DIP2C: variants seen among roughly 807,000 people sequenced by gnomAD.
The protein encoded by DIP2C is DIP2 acetate--CoA ligase C (putative), also known as disco-interacting protein 2 homolog C.
Under a neutral mutation model 192.4 loss-of-function variants are expected in DIP2C, and 33 were observed. The ratio of observed to expected loss-of-function variants is 0.17; its 90% confidence interval spans 0.13 to 0.23. The LOEUF (loss-of-function observed/expected upper bound fraction) is 0.23, where lower values mean the gene tolerates loss of function less well. Ranked by LOEUF, DIP2C falls within the 10% of genes least tolerant of loss-of-function variation. The pLI, the probability that DIP2C is intolerant of heterozygous loss-of-function variation, is 1.00. For synonymous variants in DIP2C, 979 were observed against 864.1 expected, an observed-to-expected ratio of 1.13 and a Z score of -2.33; for missense variants, 1,537 against 2,110.1, an observed-to-expected ratio of 0.73 and a Z score of 5.32.
intron 4 of DIP2C, among the ~76,000 whole-genome samples, chr10:426,792 G>A (rs113711340): frequency 0.013 from 1,973 of 152,022 alleles, 50 homozygotes; most frequent in African/African-American, 0.045. Context: ...TGGCAACTGG[G>A]TACCCAACAC....
At chr10:529,989 C>G (rs571132504) in intron 1 of DIP2C, among the ~76,000 whole-genome samples, 1 of 152,220 alleles carries the variant, frequency 6.6e-6, no homozygotes, top group African/African-American at 2.4e-5. Flanking sequence ...ATCAGGCCAT[C>G]TGCCTGGACG....
At chr10:557,244 A>C (rs1213126289) in intron 1 of DIP2C, among the ~76,000 whole-genome samples, 5 of 152,226 alleles carry the variant, frequency 3.3e-5, no homozygotes, top group Non-Finnish European at 5.9e-5. Context: ...TCAGCACAGC[A>C]TCCTGGAGCA....
At chr10:366,551 C>T in intron 18 of DIP2C, 140 bp from the exon 19 acceptor site, 1 of 1,180,096 alleles carries the variant, frequency 8.5e-7, no homozygotes, top group Non-Finnish European at 1.2e-6. Context: ...GGTAGTCAGC[C>T]AGGCACTCAT....
At chr10:334,819 T>C (rs1957679085) in intron 29 of DIP2C, among the ~76,000 whole-genome samples, 1 of 152,380 alleles carries the variant, frequency 6.6e-6, no homozygotes, top group East Asian at 1.9e-4. Flanking sequence ...TACATTGTTC[T>C]GGTTATTGCA....
chr10:670,484 A>C (rs1830580390), intron 1 of DIP2C, among the ~76,000 whole-genome samples: 1 of 152,222 alleles, frequency 6.6e-6, no homozygotes, highest in Admixed American at 6.5e-5. Context: ...ACAAGTGAGA[A>C]TTGAGATGGA....
chr10:459,129 A>G (rs1564738053), intron 3 of DIP2C, among the ~76,000 whole-genome samples: 1 of 152,166 alleles, frequency 6.6e-6, no homozygotes, highest in Non-Finnish European at 1.5e-5. Flanking sequence ...GTGGCATTAG[A>G]AAGTAAATCA....
intron 17 of DIP2C, chr10:369,860 A>G: frequency 7.3e-7 from 1 of 1,363,752 alleles, no homozygotes; most frequent in Non-Finnish European, 9.7e-7. Flanking sequence ...GGGAATCCCA[A>G]GAACACCCGT....
chr10:478,477 C>T (rs1341690367), intron 2 of DIP2C, among the ~76,000 whole-genome samples: 1 of 149,524 alleles, frequency 6.7e-6, no homozygotes, highest in Non-Finnish European at 1.5e-5. Context: ...CCGGGCATGC[C>T]GGGGGTGCAG....
chr10:597,273 C>CA (rs755616954), intron 1 of DIP2C, among the ~76,000 whole-genome samples: 16 of 152,224 alleles, frequency 1.1e-4, no homozygotes, highest in Non-Finnish European at 2.2e-4. Flanking sequence ...CACACCCTCC[C>CA]AGGCCTCCAG....
chr10:414,907 T>TATA lies in DIP2C; in HGVS notation c.860-798_860-797insTAT, dbSNP rs1491253436. Reference sequence around the variant, plus strand: ...GTGTGTGTGTATATATATATATATATTTTTTTTTTTTTTTGGTAGAGACAG... The same window carrying TATA: ...GTGTGTGTGTATATATATATATATATATATTTTTTTTTTTTTTGGTAGAGACAG... On this transcript the variant is annotated intron_variant, in intron 7 of 36. Coordinates refer to ENST00000280886, the MANE Select transcript of DIP2C (RefSeq NM_014974.3). Among the ~76,000 whole-genome samples, 17 of 35,128 alleles carry TATA rather than the reference T, an allele frequency of 4.8e-4. 1 individual carries two copies. Among genetic ancestry groups the TATA allele is most frequent in the Middle Eastern group, 0.017 (1 of 58 alleles). The allele number at this position is 35,128 out of a possible 152,430, so 23.0% of individuals were successfully genotyped here. A position where few individuals can be genotyped will look rare whatever the true frequency, so the allele number is the denominator to read the frequency against.
At chr10:621,373 G>A (rs1853836557) in intron 1 of DIP2C, among the ~76,000 whole-genome samples, 1 of 151,310 alleles carries the variant, frequency 6.6e-6, no homozygotes, top group Non-Finnish European at 1.5e-5. Context: ...GTGCCAATAT[G>A]AGCACACACC....
chr10:396,292 A>G (rs1963979380), intron 10 of DIP2C, among the ~76,000 whole-genome samples: 1 of 152,232 alleles, frequency 6.6e-6, no homozygotes, highest in South Asian at 2.1e-4. Flanking sequence ...ATTTGAGATA[A>G]TAGGATGGCA....
rs781489119 is a variant in DIP2C, at chr10:468,777, AAAAC to A, written c.268+3658_268+3661del. On this transcript the variant is annotated intron_variant, in intron 3 of 36. Transcript: ENST00000280886. ...GCAACAAGAGTGAAACTCCATCTCA[AAAAC>A]AAACAAAAAAAGATGAGTACCCAAC... is the stretch of plus-strand genomic sequence containing the variant. Among the ~76,000 whole-genome samples, 295 of 152,338 alleles carry A rather than the reference AAAAC, an allele frequency of 1.9e-3. 2 individuals carry two copies. The highest frequency in any genetic ancestry group is 2.5e-3 in the Non-Finnish European group (173 of 68,030).
At chr10:428,983 T>C (rs995555293) in intron 4 of DIP2C, among the ~76,000 whole-genome samples, 11 of 152,218 alleles carry the variant, frequency 7.2e-5, no homozygotes, top group African/African-American at 2.2e-4. Flanking sequence ...CAGCGTCCCC[T>C]ATCATCAACA....
chr10:615,682 G>A (rs562033522), intron 1 of DIP2C, among the ~76,000 whole-genome samples: 87 of 152,010 alleles, frequency 5.7e-4, no homozygotes, highest in African/African-American at 2.0e-3. Context: ...GCATTTCACC[G>A]ACAGATGACA....
intron 17 of DIP2C, among the ~76,000 whole-genome samples, chr10:370,662 C>A (rs1454950489): frequency 6.6e-6 from 1 of 152,234 alleles, no homozygotes; most frequent in East Asian, 1.9e-4. Context: ...GGATTACATT[C>A]CTGAAAACTA....
At chr10:512,944 A>G (rs996377638) in intron 1 of DIP2C, among the ~76,000 whole-genome samples, 3 of 148,866 alleles carry the variant, frequency 2.0e-5, no homozygotes, top group Non-Finnish European at 3.0e-5. Flanking sequence ...AAAAAAAAAA[A>G]GGGAGCTAAT....
chr10:345,374 A>C (rs1958389513), intron 26 of DIP2C, among the ~76,000 whole-genome samples: 1 of 152,080 alleles, frequency 6.6e-6, no homozygotes, highest in African/African-American at 2.4e-5. Flanking sequence ...CATGTGCAGA[A>C]AAGAGCTCAC....
intron 30 of DIP2C, among the ~76,000 whole-genome samples, chr10:327,649 G>T (rs1957335804): frequency 6.6e-6 from 1 of 152,144 alleles, no homozygotes; most frequent in Admixed American, 6.5e-5. Flanking sequence ...CTCCCACCTT[G>T]TGGTCTCCCA....
Sources: allele counts gnomAD v4.1 joint callset (sites outside exome capture counted in the v4.1 genomes callset), GRCh38; gene constraint gnomAD v4.1.1; transcripts MANE v1.5; gene names NCBI Gene and HGNC (gene_info 2026-07-23, HGNC 2026-07-21).